Variants in PCDH11X observed in about 807,000 individuals in gnomAD.
PCDH11X encodes protocadherin 11 X-linked, also known as protocadherin-11 X-linked.
In PCDH11X, 18 loss-of-function variants were observed where a neutral mutation model predicts 53.3. The observed-to-expected ratio is 0.34, with a 90% CI of 0.23 to 0.50. The LOEUF (loss-of-function observed/expected upper bound fraction) is 0.50. Ranked by LOEUF, PCDH11X falls within the 20% of genes least tolerant of loss-of-function variation. PCDH11X has a pLI of 0.98. For missense variants in PCDH11X, 570 were observed against 1,032.4 expected (o/e 0.55, Z 6.14); for synonymous variants, 279 against 393.3 (o/e 0.71, Z 3.44).
chrX:92,277,827 C>G (rs1419698469), intron 8 of PCDH11X, among the ~76,000 whole-genome samples: 1 of 110,652 alleles, frequency 9.0e-6, no homozygotes, highest in African/African-American at 3.3e-5. Context: ...GTACTTGCCC[C>G]TCCCCCAGAA....
At chrX:92,097,132 C>T (rs764246764) in intron 6 of PCDH11X, among the ~76,000 whole-genome samples, 1 of 111,227 alleles carries the variant, frequency 9.0e-6, no homozygotes, top group East Asian at 2.8e-4. Flanking sequence ...TTGAAAAAGT[C>T]AGGGACCACG....
intron 6 of PCDH11X, among the ~76,000 whole-genome samples, chrX:91,929,436 T>A (rs1023009160): frequency 1.8e-5 from 2 of 110,323 alleles, no homozygotes; most frequent in African/African-American, 6.6e-5. Context: ...GTGTCTGTTA[T>A]TCAGGTAAGG....
intron 6 of PCDH11X, among the ~76,000 whole-genome samples, chrX:92,073,632 T>C (rs990388156): frequency 3.6e-5 from 4 of 112,425 alleles, no homozygotes; most frequent in African/African-American, 1.3e-4. Context: ...AGCAATATAC[T>C]TGTATGTATG....
chrX:92,024,415 T>C (rs1455024307), intron 6 of PCDH11X, among the ~76,000 whole-genome samples: 3 of 110,396 alleles, frequency 2.7e-5, no homozygotes, highest in Non-Finnish European at 3.8e-5. Flanking sequence ...CCATTCACAA[T>C]TGCTATGAAG....
chrX:91,934,573 G>A (rs1469616893), intron 6 of PCDH11X, among the ~76,000 whole-genome samples: 1 of 108,535 alleles, frequency 9.2e-6, no homozygotes, highest in Non-Finnish European at 1.9e-5. Flanking sequence ...CTCTCTTTAG[G>A]ATACTCTAAA....
At chrX:92,284,292 C>T (rs1259314680) in intron 8 of PCDH11X, among the ~76,000 whole-genome samples, 1 of 109,268 alleles carries the variant, frequency 9.2e-6, no homozygotes. Context: ...TAAAGTTCTG[C>T]TTCCTAATTG....
At chrX:92,429,469 A>G (rs771058718) in intron 9 of PCDH11X, among the ~76,000 whole-genome samples, 1 of 109,415 alleles carries the variant, frequency 9.1e-6, no homozygotes, top group South Asian at 4.0e-4. Context: ...CATCTTTGAA[A>G]GCCAAGGTCA....
intron 5 of PCDH11X, among the ~76,000 whole-genome samples, chrX:91,841,599 C>T (rs1937521258): frequency 9.0e-6 from 1 of 110,618 alleles, no homozygotes; most frequent in Admixed American, 9.7e-5. Context: ...GACTTAAATC[C>T]TAAAATAAAA....
chrX:91,938,413 C>T (rs2061470215), intron 6 of PCDH11X, among the ~76,000 whole-genome samples: 1 of 106,577 alleles, frequency 9.4e-6, no homozygotes, highest in Non-Finnish European at 1.9e-5. Context: ...TTCCACAGCT[C>T]ACAATCTTGA....
At chrX:92,349,971 G>T (rs998507692) in intron 8 of PCDH11X, among the ~76,000 whole-genome samples, 1 of 109,646 alleles carries the variant, frequency 9.1e-6, no homozygotes, top group Non-Finnish European at 1.9e-5. Flanking sequence ...GGTTTATCAG[G>T]ACATAACCCC....
At chrX:92,146,620 A>G (rs925774605) in intron 6 of PCDH11X, among the ~76,000 whole-genome samples, 1 of 111,668 alleles carries the variant, frequency 9.0e-6, no homozygotes, top group Non-Finnish European at 1.9e-5. Context: ...TAAAATTGTA[A>G]AAGACCTGTT....
At chrX:91,925,806 C>A (rs1400619382) in intron 6 of PCDH11X, among the ~76,000 whole-genome samples, 1 of 110,317 alleles carries the variant, frequency 9.1e-6, no homozygotes, top group African/African-American at 3.3e-5. Context: ...TGATTTCAGG[C>A]AGTACATGGC....
chrX:92,332,443 G>T (rs2069514274), intron 8 of PCDH11X, among the ~76,000 whole-genome samples: 1 of 110,096 alleles, frequency 9.1e-6, no homozygotes, highest in South Asian at 3.7e-4. Flanking sequence ...ACATATAAAG[G>T]TGAAGACCAT....
intron 8 of PCDH11X, among the ~76,000 whole-genome samples, chrX:92,372,234 A>G (rs1469457187): frequency 9.0e-6 from 1 of 110,939 alleles, no homozygotes; most frequent in Non-Finnish European, 1.9e-5. Flanking sequence ...GGAATATGCT[A>G]TTTTTTGTGA....
chrX:92,027,007 G>T (rs1213759386), intron 6 of PCDH11X, among the ~76,000 whole-genome samples: 12 of 103,706 alleles, frequency 1.2e-4, no homozygotes, highest in Non-Finnish European at 2.0e-4. Context: ...CAATCATAAG[G>T]GATACATATT....
intron 6 of PCDH11X, among the ~76,000 whole-genome samples, chrX:92,177,244 C>A (rs2065924804): frequency 9.0e-6 from 1 of 110,953 alleles, no homozygotes. Flanking sequence ...TCCCAAAGTG[C>A]TAGGATTACA....
chrX:92,263,001 T>C, intron 7 of PCDH11X, 113 bp from the exon 8 acceptor site: 1 of 1,052,217 alleles, frequency 9.5e-7, no homozygotes, highest in Non-Finnish European at 1.2e-6. Flanking sequence ...AATGTTGACA[T>C]GCTTTTTTTT....
At chrX:92,170,187 C>A (rs1421210657) in intron 6 of PCDH11X, among the ~76,000 whole-genome samples, 1 of 110,959 alleles carries the variant, frequency 9.0e-6, no homozygotes, top group African/African-American at 3.3e-5. Flanking sequence ...TCTGAGAATC[C>A]CAAGGAACTC....
chrX:92,613,545 T>TTGTGTG lies in PCDH11X; in HGVS notation c.3368-4685_3368-4680dup, dbSNP rs201132708. Among the ~76,000 whole-genome samples, 439 of 65,514 alleles carry TTGTGTG rather than the reference T, an allele frequency of 6.7e-3. 6 individuals are homozygous for TTGTGTG. The highest frequency in any genetic ancestry group is 0.037 in the Middle Eastern group (5 of 134). 56.9% of individuals were successfully genotyped at this position (65,514 alleles called of 115,157 possible). ...TTAAGTTTTTTTGTTGTTGTTGTTG[T>TTGTGTG]TGTGTGTGTGTGTGTGTGTGTGTGT... On this transcript the variant is annotated intron_variant, in intron 10 of 10. Coordinates refer to ENST00000682573, the MANE Select transcript of PCDH11X (RefSeq NM_032968.5).
Sources: gnomAD v4.1 joint callset for allele counts (sites outside exome capture counted in the v4.1 genomes callset) on GRCh38, gnomAD v4.1.1 for gene constraint, MANE v1.5 for transcripts, NCBI Gene and HGNC (gene_info 2026-07-23, HGNC 2026-07-21) for gene names.